SLIT2: variants seen among roughly 807,000 people sequenced by gnomAD.
SLIT2 encodes the protein slit homolog 2 protein.
In SLIT2, 41 loss-of-function variants were observed where a neutral mutation model predicts 185.7. The observed-to-expected ratio is 0.22, with a 90% confidence interval of 0.17 to 0.29. SLIT2 has a LOEUF of 0.29. Ranked by LOEUF, SLIT2 falls within the 10% of genes least tolerant of loss-of-function variation. The pLI, the probability that SLIT2 is intolerant of heterozygous loss-of-function variation, is 1.00. For synonymous variants in SLIT2, 693 were observed against 680.2 expected (o/e 1.02, Z -0.29); for missense variants, 1,571 against 1,909.0 (o/e 0.82, Z 3.30).
chr4:20,431,214 A>T (rs534336331), intron 4 of SLIT2, among the ~76,000 whole-genome samples: 12 of 152,314 alleles, frequency 7.9e-5, no homozygotes, highest in Admixed American at 2.6e-4. Flanking sequence ...TATCAGAAAC[A>T]AATAATGCAA....
At chr4:20,380,360 T>C (rs1420360955) in intron 4 of SLIT2, among the ~76,000 whole-genome samples, 1 of 152,042 alleles carries the variant, frequency 6.6e-6, no homozygotes, top group Non-Finnish European at 1.5e-5. Context: ...CAAACCAACA[T>C]TGTACAAATT....
rs879651952 is a variant in SLIT2, at chr4:20,528,195, G to A, written c.1463-754G>A. On this transcript the variant is annotated intron_variant, in intron 15 of 36. Coordinates refer to ENST00000504154, the MANE Select transcript of SLIT2 (RefSeq NM_004787.4). This position sits in a 1 kb window ranked among gnomAD's most constrained non-coding sequence, Gnocchi z 4.2. ...ATGCATGTCATGTAAACAGTATTACGTTTCCAGAACGTCTGTAGCTTTTCT... is the reference window on the plus strand; with the variant it reads ...ATGCATGTCATGTAAACAGTATTACATTTCCAGAACGTCTGTAGCTTTTCT... The A allele has an allele frequency of 3.4e-4, 176 of 523,526 alleles. 1 individual carries two copies. Among genetic ancestry groups the A allele is most frequent in the Admixed American group, 2.1e-3 (106 of 49,994 alleles). The allele number at this position is 523,526 out of a possible 1,614,324, so 32.4% of individuals were successfully genotyped here. A position where few individuals can be genotyped will look rare whatever the true frequency, so the allele number is the denominator to read the frequency against.
At chr4:20,438,005 C>T (rs1560422778) in intron 4 of SLIT2, among the ~76,000 whole-genome samples, 1 of 152,044 alleles carries the variant, frequency 6.6e-6, no homozygotes, top group East Asian at 1.9e-4. Context: ...TGAAGCTAGT[C>T]CTGAATACTC....
At chr4:20,472,391 TATATAG>T (rs1560453792) in intron 5 of SLIT2, among the ~76,000 whole-genome samples, 4 of 82,584 alleles carry the variant, frequency 4.8e-5, no homozygotes, top group African/African-American at 2.0e-4. Context: ...TATATGTAGA[TATATAG>T]ATATAGATAT....
chr4:20,260,268 T>A (rs1712309094), intron 3 of SLIT2, among the ~76,000 whole-genome samples: 1 of 151,740 alleles, frequency 6.6e-6, no homozygotes, highest in African/African-American at 2.4e-5. Flanking sequence ...AGAGACAATG[T>A]GAGAGACAAG....
intron 3 of SLIT2, among the ~76,000 whole-genome samples, chr4:20,267,607 G>C (rs1713168603): frequency 6.6e-6 from 1 of 151,768 alleles, no homozygotes; most frequent in South Asian, 2.1e-4. Flanking sequence ...ATAAGCAGTT[G>C]AGAGTTTCCA....
At chr4:20,487,853 T>C (rs1717394760) in intron 7 of SLIT2, among the ~76,000 whole-genome samples, 1 of 152,216 alleles carries the variant, frequency 6.6e-6, no homozygotes, top group Non-Finnish European at 1.5e-5. Flanking sequence ...TCCATTTTTA[T>C]AGCCTAATTA....
At chr4:20,472,299 TATAG>T (rs1715230418) in intron 5 of SLIT2, among the ~76,000 whole-genome samples, 4 of 28,224 alleles carry the variant, frequency 1.4e-4, no homozygotes, top group Admixed American at 5.7e-4. Flanking sequence ...TATATAGATA[TATAG>T]ATCTATATAT....
At chr4:20,324,213 G>T (rs2109175988) in intron 4 of SLIT2, among the ~76,000 whole-genome samples, 1 of 152,210 alleles carries the variant, frequency 6.6e-6, no homozygotes, top group Non-Finnish European at 1.5e-5. Context: ...TGGAGCCTGG[G>T]CATGACACAA....
intron 4 of SLIT2, among the ~76,000 whole-genome samples, chr4:20,345,082 A>AT (rs1168446316): frequency 6.6e-6 from 1 of 152,228 alleles, no homozygotes; most frequent in African/African-American, 2.4e-5. Context: ...TTAAACTAAT[A>AT]TTTTTGTGAA....
At position 20,336,374 on chromosome 4, in the gene SLIT2, C is replaced by G. The variant is rs12498309; in HGVS notation, c.395+67493C>G. Among the ~76,000 whole-genome samples the G allele has an allele frequency of 4.3e-3, 651 of 152,234 alleles. 16 individuals carry two copies. Among genetic ancestry groups the G allele is most frequent in the Admixed American group, 0.039 (603 of 15,282 alleles). ...CCATAAAAAAGGATGAGTTCATGTCCTTTGTAGGGACATGGATGAAGCTGG... is the reference window on the plus strand; with the variant it reads ...CCATAAAAAAGGATGAGTTCATGTCGTTTGTAGGGACATGGATGAAGCTGG... On this transcript the variant is annotated intron_variant, in intron 4 of 36. Transcript: ENST00000504154.
intron 4 of SLIT2, among the ~76,000 whole-genome samples, chr4:20,437,081 C>T (rs1729391967): frequency 6.6e-6 from 1 of 152,272 alleles, no homozygotes; most frequent in African/African-American, 2.4e-5. Context: ...TTAGTGATCT[C>T]ATATAATTTC....
chr4:20,562,935 T>C (rs1304125841), intron 26 of SLIT2, among the ~76,000 whole-genome samples: 1 of 151,832 alleles, frequency 6.6e-6, no homozygotes, highest in East Asian at 1.9e-4. Context: ...AGAATATAGC[T>C]AGAAGTTTTT....
At chr4:20,479,635 A>G (rs976048163) in intron 5 of SLIT2, among the ~76,000 whole-genome samples, 4 of 152,036 alleles carry the variant, frequency 2.6e-5, no homozygotes, top group Admixed American at 2.6e-4. Context: ...TTCAGAAAAA[A>G]AAAAAGAGTG....
chr4:20,282,470 G>A (rs529516430), intron 4 of SLIT2, among the ~76,000 whole-genome samples: 2 of 152,110 alleles, frequency 1.3e-5, no homozygotes, highest in Non-Finnish European at 2.9e-5. Context: ...TAAAAGTATA[G>A]TTCTTATCTT....
chr4:20,446,791 A>G (rs1301416271), intron 4 of SLIT2, among the ~76,000 whole-genome samples: 1 of 152,260 alleles, frequency 6.6e-6, no homozygotes, highest in African/African-American at 2.4e-5. Context: ...CTCTATGTAC[A>G]GACGGATAAT....
chr4:20,578,588 C>T (rs547658736), intron 29 of SLIT2, among the ~76,000 whole-genome samples: 129 of 152,112 alleles, frequency 8.5e-4, no homozygotes, highest in Non-Finnish European at 1.6e-3. Flanking sequence ...CCACCTCTTT[C>T]GTACATCTAT....
chr4:20,310,286 A>G (rs1717985198), intron 4 of SLIT2, among the ~76,000 whole-genome samples: 1 of 152,096 alleles, frequency 6.6e-6, no homozygotes, highest in Non-Finnish European at 1.5e-5. Flanking sequence ...GTCTCTTTTT[A>G]CTATCTGTAC....
intron 8 of SLIT2, among the ~76,000 whole-genome samples, chr4:20,490,107 A>ACAAT: frequency 6.6e-6 from 1 of 151,626 alleles, no homozygotes; most frequent in East Asian, 2.0e-4. Flanking sequence ...ATAAATCAAT[A>ACAAT]AAATAAATAA....
Sources: allele counts gnomAD v4.1 joint callset (sites outside exome capture counted in the v4.1 genomes callset), GRCh38; gene constraint gnomAD v4.1.1; non-coding constraint Gnocchi (gnomAD v3.1); transcripts MANE v1.5; gene names NCBI Gene and HGNC (gene_info 2026-07-23, HGNC 2026-07-21).